Variants in GALNT15 observed in about 807,000 individuals in gnomAD.
GALNT15 encodes the protein polypeptide N-acetylgalactosaminyltransferase 15, also known as UDP-GalNAc transferase T15.
In GALNT15, 67 loss-of-function variants were observed where a neutral mutation model predicts 66.8. The observed-to-expected ratio is 1.00, with a 90% confidence interval of 0.82 to 1.23. GALNT15 has a LOEUF of 1.23. Among genes scored for constraint, GALNT15 ranks in the 50% most tolerant of loss-of-function variants. The pLI is 0.00. For missense variants in GALNT15, 827 were observed against 804.3 expected (o/e 1.03, Z -0.34); for synonymous variants, 313 against 311.5 (o/e 1.00, Z -0.05).
chr3:16,179,516 A>T (rs9813766), intron 1 of GALNT15, among the ~76,000 whole-genome samples: 136,244 of 152,168 alleles, frequency 0.9, 61,345 homozygotes, highest in East Asian at 1. Flanking sequence ...GGAAGCCACC[A>T]GGATGTCTTG....
intron 3 of GALNT15, among the ~76,000 whole-genome samples, chr3:16,202,097 T>G (rs2063709809): frequency 6.6e-6 from 1 of 152,192 alleles, no homozygotes; most frequent in Admixed American, 6.5e-5. Flanking sequence ...TCGGAATGAA[T>G]CCTGGAGACA....
At position 16,229,606 on chromosome 3, in the gene GALNT15, G is replaced by A. The variant is rs568679075; in HGVS notation, c.*2106G>A. On this transcript the variant is annotated 3_prime_UTR_variant, in exon 10 of 10. Transcript: ENST00000339732. ...AGCTACAAATTCTCAGATGGCGACC[G>A]TGTAAATGGTATTAGCGGCTGAAGA... The A allele has an allele frequency of 1.0e-4, 99 of 985,358 alleles. 1 individual carries two copies. In the South Asian group the frequency reaches 3.8e-3, roughly 38 times the overall value. The allele number at this position is 985,358 out of a possible 1,614,324, so 61.0% of individuals were successfully genotyped here.
chr3:16,213,200 AATCCCAGCACTTTG>A (rs1279927394), intron 6 of GALNT15, among the ~76,000 whole-genome samples: 1 of 152,248 alleles, frequency 6.6e-6, no homozygotes, highest in Non-Finnish European at 1.5e-5. Flanking sequence ...TCATGCCTGT[AATCCCAGCACTTTG>A]GGAGGCCGAG....
In GALNT15 at chr3:16,175,782, T is replaced by G; in HGVS notation, c.539+92T>G. ...ATGCAAACTTTCCGTAGCCTGCCTC[T>G]CCTGACTTAGAGCAAGTGCTTTTCA... is the stretch of plus-strand genomic sequence containing the variant. On this transcript the variant is annotated intron_variant, in intron 1 of 9. Transcript: ENST00000339732. The surrounding 1 kb of genome is among the most constrained non-coding windows in gnomAD (Gnocchi z 5.6). 8.4e-7 allele frequency: 1 copy of G among 1,188,634 alleles called. No homozygotes were observed. Among genetic ancestry groups the G allele is most frequent in the East Asian group, 2.5e-5 (1 of 39,580 alleles). 73.6% of individuals were successfully genotyped at this position (1,188,634 alleles called of 1,614,324 possible).
Position 16,187,291 on chromosome 3 carries a change from T to C in GALNT15, c.540-8469T>C, listed in dbSNP as rs2102303. On this transcript the variant is annotated intron_variant, in intron 1 of 9. Transcript: ENST00000339732. The surrounding 1 kb of genome is among the most constrained non-coding windows in gnomAD (Gnocchi z 5.1). ...AAAAAAAATTAGTGATTTCAAACAATAACCATTTCTATGTTATGGTTCTAT... is the reference window on the plus strand; with the variant it reads ...AAAAAAAATTAGTGATTTCAAACAACAACCATTTCTATGTTATGGTTCTAT... Among the ~76,000 whole-genome samples, 81,923 of 151,882 alleles carry C rather than the reference T, an allele frequency of 0.54. 23,416 individuals are homozygous for C. Among genetic ancestry groups the C allele is most frequent in the East Asian group, 0.77 (3,993 of 5,158 alleles).
chr3:16,244,672 T>C, the GALNT15 span, among the ~76,000 whole-genome samples: 1 of 152,232 alleles, frequency 6.6e-6, no homozygotes, highest in East Asian at 1.9e-4. Flanking sequence ...CAGTGCAAAG[T>C]TGAATGAGAA....
chr3:16,206,869 G>A (rs2063763298), intron 3 of GALNT15, among the ~76,000 whole-genome samples: 1 of 151,946 alleles, frequency 6.6e-6, no homozygotes, highest in Non-Finnish European at 1.5e-5. Flanking sequence ...TCCACAAAAT[G>A]CTTTGCCAAT....
chr3:16,215,916 A>AAAAAAAAAAAAAAAAAAAAAAAC (rs2063869013), intron 6 of GALNT15, among the ~76,000 whole-genome samples: 8 of 143,454 alleles, frequency 5.6e-5, no homozygotes, highest in East Asian at 2.2e-4. Context: ...CAAAAAAAAA[A>AAAAAAAAAAAAAAAAAAAAAAAC]AAAAAAAAAG....
chr3:16,232,465 A>AAGAT (rs2064091468), downstream of GALNT15, among the ~76,000 whole-genome samples: 1 of 28,636 alleles, frequency 3.5e-5, no homozygotes, highest in African/African-American at 1.1e-4. Context: ...TAAATAAATA[A>AAGAT]ATAAATATAT....
rs376827144 is a variant in GALNT15 at position 16,198,268 on chromosome 3, A to G, written c.706+2342A>G. On this transcript the variant is annotated intron_variant, in intron 2 of 9. Transcript: ENST00000339732. ...CTCATAATCACAACAGGGCTGCTCTACCTCTGGACATCACATACATATTTC... is the reference window on the plus strand; with the variant it reads ...CTCATAATCACAACAGGGCTGCTCTGCCTCTGGACATCACATACATATTTC... 4.1e-4 allele frequency among the ~76,000 whole-genome samples: 58 copies of G among 142,128 alleles called. 11 individuals are homozygous for G. The East Asian group carries it at 9.1e-3, about 22-fold the overall frequency. 93.2% of individuals were successfully genotyped at this position (142,128 alleles called of 152,430 possible).
Position 16,174,860 on chromosome 3 carries a change from A to G in GALNT15, c.-292A>G, listed in dbSNP as rs2063387717. On this transcript the variant is annotated 5_prime_UTR_variant, in exon 1 of 10. Coordinates refer to ENST00000339732, the MANE Select transcript of GALNT15 (RefSeq NM_054110.5). The surrounding 1 kb of genome is among the most constrained non-coding windows in gnomAD (Gnocchi z 4.7). ...TTTCCCAAGGAGAAAACCGGGGTAA[A>G]GGGAGGGAAGCAATTCAATTTGAAG... 1 of 412,714 alleles carries G rather than the reference A, an allele frequency of 2.4e-6. No individual in the cohort carries two copies. Among genetic ancestry groups the G allele is most frequent in the Non-Finnish European group, 4.4e-6 (1 of 229,300 alleles). 25.6% of individuals were successfully genotyped at this position (412,714 alleles called of 1,614,324 possible).
At chr3:16,210,193 GA>G (rs1380036663) in intron 4 of GALNT15, among the ~76,000 whole-genome samples, 1 of 152,176 alleles carries the variant, frequency 6.6e-6, no homozygotes, top group African/African-American at 2.4e-5. Flanking sequence ...ACCCAATTAT[GA>G]AACACTATTT....
intron 6 of GALNT15, among the ~76,000 whole-genome samples, chr3:16,216,269 G>A (rs1010053726): frequency 2.0e-5 from 3 of 152,152 alleles, no homozygotes; most frequent in Non-Finnish European, 4.4e-5. Flanking sequence ...AGGAGTGAAA[G>A]TTTATTAAAA....
downstream of GALNT15, among the ~76,000 whole-genome samples, chr3:16,232,597 G>A (rs573860987): frequency 8.9e-5 from 13 of 146,686 alleles, no homozygotes; most frequent in Non-Finnish European, 1.6e-4. Flanking sequence ...GATAAATCCA[G>A]TCTGGAGAGT....
intron 8 of GALNT15, among the ~76,000 whole-genome samples, chr3:16,221,389 T>G (rs1289683037): frequency 6.6e-6 from 1 of 151,748 alleles, no homozygotes. Context: ...CCCTTTTTCA[T>G]GAATAAACGA....
At chr3:16,185,785 AGATAGAT>A (rs1422576884) in intron 1 of GALNT15, among the ~76,000 whole-genome samples, 3 of 127,940 alleles carry the variant, frequency 2.3e-5, no homozygotes, top group Non-Finnish European at 5.1e-5. Flanking sequence ...ATAGATAGAT[AGATAGAT>A]GATAGATTAT....
At chr3:16,179,652 G>A (rs2063448358) in intron 1 of GALNT15, among the ~76,000 whole-genome samples, 1 of 152,204 alleles carries the variant, frequency 6.6e-6, no homozygotes, top group Non-Finnish European at 1.5e-5. Flanking sequence ...AAAAAGTAAG[G>A]CACAGAAAGC....
intron 6 of GALNT15, among the ~76,000 whole-genome samples, chr3:16,218,525 C>T (rs1007031949): frequency 6.6e-6 from 1 of 151,906 alleles, no homozygotes; most frequent in Non-Finnish European, 1.5e-5. Context: ...CATCCTAGGA[C>T]AATTGTATCA....
chr3:16,210,939 A>G (rs1383421859), intron 4 of GALNT15, among the ~76,000 whole-genome samples, 185 bp from the exon 5 acceptor site: 1 of 152,206 alleles, frequency 6.6e-6, no homozygotes, highest in Non-Finnish European at 1.5e-5. Context: ...TCTTTCCATC[A>G]AACACTGGGA....
Sources: allele counts gnomAD v4.1 joint callset (sites outside exome capture counted in the v4.1 genomes callset), GRCh38; gene constraint gnomAD v4.1.1; non-coding constraint Gnocchi (gnomAD v3.1); transcripts MANE v1.5; gene names NCBI Gene and HGNC (gene_info 2026-07-23, HGNC 2026-07-21).